The following IGF1R variants were observed in gnomAD, a reference collection of about 807,000 sequenced individuals.
IGF1R encodes the protein insulin like growth factor 1 receptor.
A neutral mutation model predicts 144.6 loss-of-function variants in IGF1R; 44 were observed. The observed-to-expected ratio is 0.30, with a 90% CI of 0.24 to 0.39. The LOEUF (loss-of-function observed/expected upper bound fraction) is 0.39. IGF1R is among the 10% of genes least tolerant of loss of function. The probability of loss-of-function intolerance (pLI) is 1.00; values close to 1 mark genes in which losing one functional copy is unlikely to be tolerated. For synonymous variants in IGF1R, 795 were observed against 722.8 expected, an observed-to-expected ratio of 1.10 and a Z score of -1.60; for missense variants, 1,355 against 1,833.7, an observed-to-expected ratio of 0.74 and a Z score of 4.77.
At chr15:98,867,815 CTG>C (rs947431243) in intron 2 of IGF1R, among the ~76,000 whole-genome samples, 10 of 152,182 alleles carry the variant, frequency 6.6e-5, no homozygotes, top group African/African-American at 2.2e-4. Context: ...GCTTTATCAA[CTG>C]TGTGAATTGT....
chr15:98,756,972 C>T (rs943802619), intron 2 of IGF1R, among the ~76,000 whole-genome samples: 1 of 152,076 alleles, frequency 6.6e-6, no homozygotes, highest in African/African-American at 2.4e-5. Context: ...GATTTATTAA[C>T]GTTTACTTGC....
chr15:98,689,692 C>T (rs953124308), intron 1 of IGF1R, among the ~76,000 whole-genome samples: 15 of 152,224 alleles, frequency 9.9e-5, no homozygotes, highest in African/African-American at 3.1e-4. Flanking sequence ...GTTCTTGCCA[C>T]ACTTTGCTGC....
At chr15:98,945,336 C>T (rs1170313827) in intron 19 of IGF1R, among the ~76,000 whole-genome samples, 1 of 152,166 alleles carries the variant, frequency 6.6e-6, no homozygotes, top group Non-Finnish European at 1.5e-5. Flanking sequence ...GGTGAGTGGG[C>T]CATTGCTACC....
chr15:98,842,342 A>G (rs1045490287), intron 2 of IGF1R, among the ~76,000 whole-genome samples: 3 of 152,184 alleles, frequency 2.0e-5, no homozygotes, highest in African/African-American at 4.8e-5. Context: ...CTGTTGTCCT[A>G]TAGAGGTCAA....
chr15:98,782,139 G>A (rs2055875199), intron 2 of IGF1R, among the ~76,000 whole-genome samples: 1 of 152,002 alleles, frequency 6.6e-6, no homozygotes, highest in Non-Finnish European at 1.5e-5. Flanking sequence ...TAACTTTCCT[G>A]TTAATATGTA....
chr15:98,763,227 CAT>C (rs2055351507), intron 2 of IGF1R, among the ~76,000 whole-genome samples: 1 of 152,100 alleles, frequency 6.6e-6, no homozygotes, highest in Non-Finnish European at 1.5e-5. Flanking sequence ...TTCATGTTGA[CAT>C]ATTCTATGGT....
intron 13 of IGF1R, among the ~76,000 whole-genome samples, chr15:98,929,074 T>A (rs1596462422): frequency 6.6e-6 from 1 of 152,308 alleles, no homozygotes; most frequent in Non-Finnish European, 1.5e-5. Flanking sequence ...AGAAATAGAA[T>A]GCTTGCTGCT....
intron 2 of IGF1R, among the ~76,000 whole-genome samples, chr15:98,837,810 A>C (rs564911345): frequency 1.3e-5 from 2 of 152,190 alleles, no homozygotes; most frequent in Non-Finnish European, 2.9e-5. Flanking sequence ...TTCATTCACC[A>C]TACTTTTCTC....
intron 2 of IGF1R, among the ~76,000 whole-genome samples, chr15:98,710,878 C>A (rs2099600396): frequency 6.6e-6 from 1 of 151,980 alleles, no homozygotes. Context: ...CCATGTTGGC[C>A]AGGCTGGTCT....
chr15:98,835,219 C>CCA (rs1308023108), intron 2 of IGF1R, among the ~76,000 whole-genome samples: 2 of 151,132 alleles, frequency 1.3e-5, no homozygotes, highest in Non-Finnish European at 3.0e-5. Context: ...AGACCTACAC[C>CCA]CACACACCAG....
At chr15:98,696,179 T>C (rs947779382) in intron 1 of IGF1R, among the ~76,000 whole-genome samples, 2 of 152,196 alleles carry the variant, frequency 1.3e-5, no homozygotes, top group Non-Finnish European at 2.9e-5. Flanking sequence ...TTCCTCTCTA[T>C]TGCAATTCCA....
chr15:98,852,102 T>C (rs2011551307), intron 2 of IGF1R, among the ~76,000 whole-genome samples: 1 of 152,272 alleles, frequency 6.6e-6, no homozygotes, highest in South Asian at 2.1e-4. Context: ...TTTGGAGACT[T>C]TCTAAAACCT....
chr15:98,823,866 A>G (rs1367360991), intron 2 of IGF1R, among the ~76,000 whole-genome samples: 1 of 152,224 alleles, frequency 6.6e-6, no homozygotes, highest in African/African-American at 2.4e-5. Flanking sequence ...AAAAACAAAC[A>G]AAAACTTGGC....
At chr15:98,815,174 A>G (rs960096209) in intron 2 of IGF1R, among the ~76,000 whole-genome samples, 5 of 152,278 alleles carry the variant, frequency 3.3e-5, no homozygotes, top group African/African-American at 1.2e-4. Context: ...AAAGTTTAAA[A>G]GAAATCACCA....
intron 2 of IGF1R, among the ~76,000 whole-genome samples, chr15:98,864,190 A>G (rs1449963415): frequency 6.6e-6 from 1 of 152,162 alleles, no homozygotes; most frequent in African/African-American, 2.4e-5. Context: ...AGGAGGTCAA[A>G]GCTGCAGTGA....
At position 98,963,200 on chromosome 15, in the gene IGF1R, G is replaced by A. The variant is rs983954574; in HGVS notation, c.*5758G>A. The A allele has an allele frequency of 4.6e-6, 1 of 217,910 alleles. No individual in the cohort carries two copies. Among genetic ancestry groups the A allele is most frequent in the East Asian group, 6.3e-5 (1 of 15,828 alleles). The allele number at this position is 217,910 out of a possible 1,614,324, so 13.5% of individuals were successfully genotyped here. A position where few individuals can be genotyped will look rare whatever the true frequency, so the allele number is the denominator to read the frequency against. ...TTTTTTTCTCTGTGTGTGCAAATGT[G>A]TGTTTGTGATCCATTTTTTTTTTTT... On this transcript the variant is annotated 3_prime_UTR_variant, in exon 21 of 21. Transcript: ENST00000650285.
chr15:98,877,786 C>G (rs906741079), intron 2 of IGF1R, among the ~76,000 whole-genome samples: 26 of 152,146 alleles, frequency 1.7e-4, no homozygotes, highest in African/African-American at 6.3e-4. Context: ...TCCCTAGGTA[C>G]CTCGTACATT....
intron 15 of IGF1R, 48 bp downstream of exon 15, chr15:98,930,353 C>T (rs375415953): frequency 1.5e-5 from 21 of 1,387,594 alleles, no homozygotes; most frequent in Middle Eastern, 2.1e-4. Flanking sequence ...GCAGGTAGAT[C>T]GGGAGCTTTC....
intron 20 of IGF1R, among the ~76,000 whole-genome samples, 166 bp downstream of exon 20, chr15:98,948,874 G>T (rs2016659534): frequency 6.6e-6 from 1 of 152,196 alleles, no homozygotes; most frequent in Admixed American, 6.5e-5. Flanking sequence ...TGAGTGGGTT[G>T]GTCGACCTGT....
Sources: gnomAD v4.1 joint callset for allele counts (sites outside exome capture counted in the v4.1 genomes callset) on GRCh38, gnomAD v4.1.1 for gene constraint, MANE v1.5 for transcripts, NCBI Gene and HGNC (gene_info 2026-07-23, HGNC 2026-07-21) for gene names.